Variants in LRMDA observed in about 807,000 individuals in gnomAD.
LRMDA encodes leucine rich melanocyte differentiation associated.
Under a neutral mutation model 29.8 loss-of-function variants are expected in LRMDA, and 18 were observed. That is an observed-to-expected ratio of 0.60 (90% confidence interval 0.42 to 0.90). LRMDA has a LOEUF of 0.90. Ranked by LOEUF, LRMDA falls within the 40% of genes least tolerant of loss-of-function variation. The pLI, the probability that LRMDA is intolerant of heterozygous loss-of-function variation, is 0.00. For synonymous variants in LRMDA, 125 were observed against 109.4 expected, an observed-to-expected ratio of 1.14 and a Z score of -0.89; for missense variants, 273 against 273.9, an observed-to-expected ratio of 1.00 and a Z score of 0.02.
In LRMDA at chr10:75,792,525, A is replaced by G. The variant is rs533416330; in HGVS notation, c.132-243483A>G. ...TGATCCACCCATCTTGGCCTCCCAA[A>G]GTGCTGGGATTACAGGTGTGAGCCA... On this transcript the variant is annotated intron_variant, in intron 2 of 6. Coordinates refer to ENST00000611255, the MANE Select transcript of LRMDA (RefSeq NM_001305581.2). 2.2e-4 allele frequency among the ~76,000 whole-genome samples: 33 copies of G among 152,220 alleles called. 1 individual carries two copies. Among genetic ancestry groups the G allele is most frequent in the Middle Eastern group, 3.4e-3 (1 of 294 alleles).
chr10:75,542,384 A>G (rs1198870239), intron 2 of LRMDA, among the ~76,000 whole-genome samples: 1 of 152,076 alleles, frequency 6.6e-6, no homozygotes. Flanking sequence ...ACTTTCACAG[A>G]GTTAATAATG....
intron 6 of LRMDA, among the ~76,000 whole-genome samples, chr10:76,370,905 T>C (rs4326729): frequency 0.89 from 135,761 of 152,140 alleles, 61,260 homozygotes; most frequent in Non-Finnish European, 0.96. Flanking sequence ...CAGGCATCCA[T>C]TAGTGGTCCT....
In LRMDA at chr10:76,013,039, G is replaced by T. The variant is rs140670168; in HGVS notation, c.132-22969G>T. Among the ~76,000 whole-genome samples the T allele has an allele frequency of 7.1e-3, 1,078 of 152,236 alleles. 13 individuals are homozygous for T. The highest frequency in any genetic ancestry group is 0.024 in the African/African-American group (1,002 of 41,518). ...AGGGGGAGACACATAGGAAAAAAAG[G>T]GAGCAAAGACTGTTGGAAACCTTTT... On this transcript the variant is annotated intron_variant, in intron 2 of 6. Transcript: ENST00000611255.
chr10:76,287,930 A>T (rs1414662199), intron 5 of LRMDA, among the ~76,000 whole-genome samples: 1 of 152,178 alleles, frequency 6.6e-6, no homozygotes, highest in African/African-American at 2.4e-5. Context: ...GACCCAGAAA[A>T]CAAGCACTGA....
At chr10:75,900,801 T>A (rs2132364429) in intron 2 of LRMDA, among the ~76,000 whole-genome samples, 1 of 152,310 alleles carries the variant, frequency 6.6e-6, no homozygotes, top group African/African-American at 2.4e-5. Flanking sequence ...TTTTTCTTTT[T>A]AAACAAATAG....
chr10:76,223,190 A>G (rs1032008891), intron 5 of LRMDA, among the ~76,000 whole-genome samples: 2 of 152,066 alleles, frequency 1.3e-5, no homozygotes, highest in African/African-American at 2.4e-5. Flanking sequence ...TGGGTGCAGC[A>G]CACCAGCATG....
At chr10:75,731,398 C>G (rs746000117) in intron 2 of LRMDA, among the ~76,000 whole-genome samples, 6 of 152,320 alleles carry the variant, frequency 3.9e-5, no homozygotes, top group Non-Finnish European at 7.3e-5. Flanking sequence ...AGGTATGACA[C>G]TGTTTTAACT....
At chr10:75,948,187 A>G (rs1846509862) in intron 2 of LRMDA, among the ~76,000 whole-genome samples, 1 of 152,170 alleles carries the variant, frequency 6.6e-6, no homozygotes, top group Non-Finnish European at 1.5e-5. Context: ...CTCAAATTGT[A>G]GACTGGCTCT....
chr10:76,003,684 T>A (rs1233134876), intron 2 of LRMDA, among the ~76,000 whole-genome samples: 5 of 151,942 alleles, frequency 3.3e-5, no homozygotes, highest in African/African-American at 1.2e-4. Flanking sequence ...GGCAGGTAAG[T>A]CAGTTGAGGG....
intron 5 of LRMDA, among the ~76,000 whole-genome samples, chr10:76,231,540 C>T (rs533691194): frequency 6.6e-6 from 1 of 152,166 alleles, no homozygotes; most frequent in Non-Finnish European, 1.5e-5. Flanking sequence ...GATCTTGGTG[C>T]TGACTGTAAA....
chr10:76,373,285 A>G (rs900098571), intron 6 of LRMDA, among the ~76,000 whole-genome samples: 2 of 152,212 alleles, frequency 1.3e-5, no homozygotes, highest in Admixed American at 6.5e-5. Context: ...TAAGATGAGT[A>G]TCTGTTTTGG....
At chr10:76,489,660 G>T (rs1276308867) in intron 6 of LRMDA, among the ~76,000 whole-genome samples, 1 of 151,766 alleles carries the variant, frequency 6.6e-6, no homozygotes, top group Non-Finnish European at 1.5e-5. Context: ...ACACTCCCTT[G>T]TTAGTACTGC....
intron 6 of LRMDA, among the ~76,000 whole-genome samples, chr10:76,494,078 G>A (rs934169850): frequency 1.3e-5 from 2 of 151,852 alleles, no homozygotes; most frequent in African/African-American, 2.4e-5. Flanking sequence ...TGTACATTTG[G>A]TGTGATTTTC....
intron 1 of LRMDA, among the ~76,000 whole-genome samples, chr10:75,434,777 A>C (rs553603323): frequency 3.9e-5 from 6 of 152,286 alleles, no homozygotes; most frequent in African/African-American, 1.4e-4. Flanking sequence ...AAAATCGAGG[A>C]TCTCCCACCC....
At chr10:75,871,048 C>T (rs1223530026) in intron 2 of LRMDA, among the ~76,000 whole-genome samples, 2 of 152,198 alleles carry the variant, frequency 1.3e-5, no homozygotes, top group African/African-American at 4.8e-5. Flanking sequence ...TTCCCATCTC[C>T]CTAGTCCGAC....
intron 2 of LRMDA, among the ~76,000 whole-genome samples, chr10:75,574,010 T>C (rs1459923580): frequency 6.6e-6 from 1 of 151,788 alleles, no homozygotes; most frequent in East Asian, 1.9e-4. Flanking sequence ...CCCAGAGGCA[T>C]GAGAAACAGC....
chr10:75,774,830 A>T (rs1843289506), intron 2 of LRMDA, among the ~76,000 whole-genome samples: 1 of 152,210 alleles, frequency 6.6e-6, no homozygotes, highest in African/African-American at 2.4e-5. Context: ...GGCAGCTTAG[A>T]CATATTGGCT....
intron 2 of LRMDA, among the ~76,000 whole-genome samples, chr10:75,659,818 T>G (rs2132133510): frequency 6.6e-6 from 1 of 152,272 alleles, no homozygotes; most frequent in South Asian, 2.1e-4. Flanking sequence ...AATCTGTCAC[T>G]TCCTTTCTTT....
At chr10:75,711,144 T>C (rs1842431096) in intron 2 of LRMDA, among the ~76,000 whole-genome samples, 1 of 152,238 alleles carries the variant, frequency 6.6e-6, no homozygotes, top group Non-Finnish European at 1.5e-5. Flanking sequence ...AAGAGACTGA[T>C]TCCCAGTGGA....
Sources: gnomAD v4.1 joint callset for allele counts (sites outside exome capture counted in the v4.1 genomes callset) on GRCh38, gnomAD v4.1.1 for gene constraint, MANE v1.5 for transcripts, NCBI Gene and HGNC (gene_info 2026-07-23, HGNC 2026-07-21) for gene names.